The following RBFOX3 variants were observed in gnomAD, a reference collection of about 807,000 sequenced individuals.
RBFOX3 encodes RNA binding fox-1 homolog 3.
A neutral mutation model predicts 48.7 loss-of-function variants in RBFOX3; 17 were observed. The ratio of observed to expected loss-of-function variants is 0.35; its 90% CI spans 0.24 to 0.52. The LOEUF is 0.52. Among genes scored for constraint, RBFOX3 ranks in the 20% least tolerant of loss-of-function variants. RBFOX3 has a pLI of 0.94. For synonymous variants in RBFOX3, 212 were observed against 209.5 expected (o/e 1.01, Z -0.10); for missense variants, 382 against 497.5 (o/e 0.77, Z 2.21).
chr17:79,125,599 G>A (rs1432933895), intron 4 of RBFOX3, among the ~76,000 whole-genome samples: 3 of 152,244 alleles, frequency 2.0e-5, no homozygotes, highest in South Asian at 2.1e-4. Flanking sequence ...TGGTCTGGCC[G>A]TGGATGGAGC....
At chr17:79,462,154 A>T (rs967948478) in intron 2 of RBFOX3, among the ~76,000 whole-genome samples, 6 of 152,188 alleles carry the variant, frequency 3.9e-5, no homozygotes, top group African/African-American at 1.4e-4. Context: ...AGGTATTTCT[A>T]TCTCTATCCA....
At position 79,198,567 on chromosome 17, in the gene RBFOX3, C is replaced by T. The variant is rs938191932; in HGVS notation, c.-34+37199G>A. ...TCCAGGATGTATTGCCCATGCCACT[C>T]GTCACTCTGATAGGACTTTTAGAGA... On this transcript the variant is annotated intron_variant, in intron 4 of 14. Transcript: ENST00000693108. This position sits in a 1 kb window ranked among gnomAD's most constrained non-coding sequence, Gnocchi z 8.2. 2.2e-4 allele frequency among the ~76,000 whole-genome samples: 34 copies of T among 152,106 alleles called. No individual in the cohort carries two copies. Among genetic ancestry groups the T allele is most frequent in the South Asian group, 1.0e-3 (5 of 4,808 alleles).
Position 79,583,380 on chromosome 17 carries a change from G to A in RBFOX3, c.-320+27446C>T, listed in dbSNP as rs1325190560. On this transcript the variant is annotated intron_variant, in intron 1 of 14. Transcript: ENST00000693108. Reference sequence around the variant, plus strand: ...CTGGGACCCCACGGTGACTCAGGTCGAAGGGCCCCTGACCTTACAGAAGAC... The same window carrying A: ...CTGGGACCCCACGGTGACTCAGGTCAAAGGGCCCCTGACCTTACAGAAGAC... Among the ~76,000 whole-genome samples, 8 of 152,336 alleles carry A rather than the reference G, an allele frequency of 5.3e-5. No homozygotes were observed. The South Asian group carries it at 1.7e-3, about 32-fold the overall frequency.
At chr17:79,635,546 G>C in the RBFOX3 span, among the ~76,000 whole-genome samples, 153 of 152,276 alleles carry the variant, frequency 1.0e-3, no homozygotes, top group African/African-American at 3.6e-3. Context: ...TCTGAGCATG[G>C]AGAATGGTTA....
At chr17:79,295,206 T>A (rs2074133222) in intron 3 of RBFOX3, among the ~76,000 whole-genome samples, 1 of 152,188 alleles carries the variant, frequency 6.6e-6, no homozygotes. Flanking sequence ...AGCACGCAGA[T>A]GAAATCCGCC....
chr17:79,570,155 G>A (rs919060624), intron 1 of RBFOX3, among the ~76,000 whole-genome samples: 40 of 150,768 alleles, frequency 2.7e-4, no homozygotes, highest in Non-Finnish European at 5.3e-4. Context: ...TGGACAGATG[G>A]ATAATAGATG....
chr17:79,162,896 C>A (rs899073089), intron 4 of RBFOX3, among the ~76,000 whole-genome samples: 1 of 152,192 alleles, frequency 6.6e-6, no homozygotes, highest in South Asian at 2.1e-4. Flanking sequence ...TCTGATCAAG[C>A]GGTTCTCAAA....
In RBFOX3 at chr17:79,463,783, C is replaced by T. The variant is rs533288541; in HGVS notation, c.-175+18671G>A. On this transcript the variant is annotated intron_variant, in intron 2 of 14. Transcript: ENST00000693108. ...CCGCCATCACCACTGCCACTGCCAC[C>T]TCCACCACCATCTCCACTGCCACTG... is the stretch of plus-strand genomic sequence containing the variant. Among the ~76,000 whole-genome samples the T allele has an allele frequency of 5.3e-5, 8 of 150,134 alleles. No homozygotes were observed. The South Asian group carries it at 1.5e-3, about 28-fold the overall frequency.
At chr17:79,140,953 G>A (rs1013704750) in intron 4 of RBFOX3, among the ~76,000 whole-genome samples, 4 of 152,198 alleles carry the variant, frequency 2.6e-5, no homozygotes, top group Non-Finnish European at 5.9e-5. Context: ...TACCAATGCT[G>A]AAGACCCTTG....
In RBFOX3 at chr17:79,332,424, T is replaced by A. The variant is rs537693656; in HGVS notation, c.-174-24600A>T. 6.5e-3 allele frequency among the ~76,000 whole-genome samples: 979 copies of A among 151,736 alleles called. 12 individuals are homozygous for A. Among genetic ancestry groups the A allele is most frequent in the African/African-American group, 0.023 (946 of 41,322 alleles). On this transcript the variant is annotated intron_variant, in intron 2 of 14. Coordinates refer to ENST00000693108, the MANE Select transcript of RBFOX3 (RefSeq NM_001350451.2). ...AAGGGATAGATAGGGAGCCCTAGGA[T>A]GCTGGAGAGGAGGCAGGCTCTGGGG... is the stretch of plus-strand genomic sequence containing the variant.
intron 2 of RBFOX3, among the ~76,000 whole-genome samples, chr17:79,394,249 G>A (rs1161229494): frequency 6.6e-6 from 1 of 152,216 alleles, no homozygotes; most frequent in Admixed American, 6.5e-5. Context: ...AAAAGCATGA[G>A]GGACTCAAGG....
At chr17:79,575,323 G>C (rs36150004) in intron 1 of RBFOX3, among the ~76,000 whole-genome samples, 96,484 of 152,078 alleles carry the variant, frequency 0.63, 31,041 homozygotes, top group East Asian at 0.8. Flanking sequence ...CATGGGATAG[G>C]GGGGCAGAGT....
intron 4 of RBFOX3, among the ~76,000 whole-genome samples, chr17:79,177,940 A>G (rs1175595064): frequency 6.6e-6 from 1 of 152,070 alleles, no homozygotes; most frequent in African/African-American, 2.4e-5. Flanking sequence ...GAGGAGCCCC[A>G]GTCTCTGGAC....
chr17:79,105,585 G>A (rs2077208480), intron 6 of RBFOX3, among the ~76,000 whole-genome samples: 1 of 152,218 alleles, frequency 6.6e-6, no homozygotes, highest in African/African-American at 2.4e-5. Context: ...CAACCAGGCC[G>A]GGCTCCTGAG....
At chr17:79,414,848 G>A (rs2065054182) in intron 2 of RBFOX3, among the ~76,000 whole-genome samples, 1 of 152,238 alleles carries the variant, frequency 6.6e-6, no homozygotes, top group Admixed American at 6.5e-5. Context: ...TCAGTCGGGA[G>A]GAACCATGCA....
At chr17:79,346,590 T>A (rs1470726276) in intron 2 of RBFOX3, among the ~76,000 whole-genome samples, 1 of 152,210 alleles carries the variant, frequency 6.6e-6, no homozygotes, top group Non-Finnish European at 1.5e-5. Flanking sequence ...ATTTTTGGTG[T>A]CTTAATCTTC....
chr17:79,523,576 G>T (rs2086406464), intron 1 of RBFOX3, among the ~76,000 whole-genome samples: 1 of 152,136 alleles, frequency 6.6e-6, no homozygotes, highest in Non-Finnish European at 1.5e-5. Context: ...TGTTGTCCCT[G>T]GTGAGCCACC....
At chr17:79,188,503 G>A (rs2053864715) in intron 4 of RBFOX3, among the ~76,000 whole-genome samples, 1 of 152,208 alleles carries the variant, frequency 6.6e-6, no homozygotes, top group Non-Finnish European at 1.5e-5. Flanking sequence ...ATAAATACAG[G>A]GAGACTGAAA....
chr17:79,097,306 G>A lies in RBFOX3; in HGVS notation c.741C>T (p.Ile247=), dbSNP rs866943064. Reference sequence around the variant, plus strand: ...CAGGTACTCACGCTCCGTAAGTCGGGATGGGGGGTGGGGGTGGCGCAGCCC... The same window carrying A: ...CAGGTACTCACGCTCCGTAAGTCGGAATGGGGGGTGGGGGTGGCGCAGCCC... ...TFRAAPPPPP[I]PTYGAALEQT... The change falls in exon 11 of 15, where the codon ATC becomes ATT. Residue 247 remains isoleucine, a synonymous_variant. Coordinates refer to ENST00000693108, the MANE Select transcript of RBFOX3 (RefSeq NM_001350451.2). 1.1e-5 allele frequency: 17 copies of A among 1,544,232 alleles called. No homozygotes were observed. The highest frequency in any genetic ancestry group is 3.4e-4 in the Middle Eastern group (2 of 5,924).
Sources: gnomAD v4.1 joint callset for allele counts (sites outside exome capture counted in the v4.1 genomes callset) on GRCh38, gnomAD v4.1.1 for gene constraint, Gnocchi (gnomAD v3.1) non-coding constraint, MANE v1.5 for transcripts, NCBI Gene and HGNC (gene_info 2026-07-23, HGNC 2026-07-21) for gene names.